The following WIPF3 variants were observed in gnomAD, a reference collection of about 807,000 sequenced individuals.
WIPF3 encodes the protein WAS/WASL interacting protein family member 3.
In WIPF3, 33 loss-of-function variants were observed where a neutral mutation model predicts 38.9. The ratio of observed to expected loss-of-function variants is 0.85; its 90% CI spans 0.64 to 1.14. WIPF3 has a LOEUF of 1.14. Ranked by LOEUF, WIPF3 falls within the 50% of genes most tolerant of loss-of-function variation. The pLI is 0.00. For synonymous variants in WIPF3, 324 were observed against 269.3 expected, an observed-to-expected ratio of 1.20 and a Z score of -1.99; for missense variants, 711 against 652.5, an observed-to-expected ratio of 1.09 and a Z score of -0.98.
Position 29,878,581 on chromosome 7 carries a change from T to TA in WIPF3, c.224-424dup, listed in dbSNP as rs1269172817. On this transcript the variant is annotated intron_variant, in intron 3 of 8. Coordinates refer to ENST00000242140, the MANE Select transcript of WIPF3 (RefSeq NM_001080529.3). The surrounding 1 kb of genome is among the most constrained non-coding windows in gnomAD (Gnocchi z 4.0). ...GGTCAGCGCTCTGTGGACAAGAAGT[T>TA]AAAATGACTGACTGAATTAAATCTG... Among the ~76,000 whole-genome samples, 2 of 152,288 alleles carry TA rather than the reference T, an allele frequency of 1.3e-5. No individual in the cohort carries two copies. The highest frequency in any genetic ancestry group is 4.8e-5 in the African/African-American group (2 of 41,562).
chr7:29,900,890 G>T (rs771918132), intron 7 of WIPF3, among the ~76,000 whole-genome samples: 1 of 152,218 alleles, frequency 6.6e-6, no homozygotes, highest in Non-Finnish European at 1.5e-5. Context: ...GCAGCCCATA[G>T]CTTAGTCAGA....
intron 1 of WIPF3, among the ~76,000 whole-genome samples, chr7:29,813,745 T>C (rs1227537944): frequency 6.6e-6 from 1 of 152,178 alleles, no homozygotes; most frequent in Non-Finnish European, 1.5e-5. Context: ...ATTTTCACAG[T>C]TGTGCAACCA....
chr7:29,895,246 T>C (rs1373525740), intron 7 of WIPF3, among the ~76,000 whole-genome samples: 2 of 152,180 alleles, frequency 1.3e-5, no homozygotes, highest in Non-Finnish European at 2.9e-5. Context: ...AGTTTTTTTT[T>C]CCTAATGTTT....
At chr7:29,825,619 C>A in intron 1 of WIPF3, among the ~76,000 whole-genome samples, 1 of 152,158 alleles carries the variant, frequency 6.6e-6, no homozygotes, top group East Asian at 1.9e-4. Context: ...CATTTAAATG[C>A]CTGAGTCAGT....
At position 29,875,811 on chromosome 7, in the gene WIPF3, C is replaced by G. The variant is rs768585092; in HGVS notation, c.91-19C>G. 3 of 1,607,620 alleles carry G rather than the reference C, an allele frequency of 1.9e-6. No individual in the cohort carries two copies. The South Asian group carries it at 3.3e-5, about 18-fold the overall frequency. On this transcript the variant is annotated intron_variant, in intron 2 of 8. Coordinates refer to ENST00000242140, the MANE Select transcript of WIPF3 (RefSeq NM_001080529.3). ...TCTGAAAATGCTACTATAGTCAAAT[C>G]CCTTTTACTCCCTTACAGGTAAGCA...
chr7:29,840,466 TTGAC>T (rs1403701749), intron 2 of WIPF3, among the ~76,000 whole-genome samples: 2 of 152,240 alleles, frequency 1.3e-5, no homozygotes, highest in African/African-American at 4.8e-5. Flanking sequence ...TTTTAAAAAT[TTGAC>T]TGGGGTCTAT....
At chr7:29,901,202 CA>C (rs1301492162) in intron 7 of WIPF3, among the ~76,000 whole-genome samples, 6 of 152,104 alleles carry the variant, frequency 3.9e-5, no homozygotes, top group Non-Finnish European at 8.8e-5. Context: ...GGTGAATCTG[CA>C]AAGCCCTTCT....
chr7:29,820,416 TTTG>T (rs961026403), intron 1 of WIPF3, among the ~76,000 whole-genome samples: 2 of 152,130 alleles, frequency 1.3e-5, no homozygotes, highest in African/African-American at 4.8e-5. Context: ...GGCAGATATG[TTTG>T]TTATTATTTT....
intron 2 of WIPF3, among the ~76,000 whole-genome samples, chr7:29,847,275 AC>A (rs1785015291): frequency 1.3e-5 from 2 of 152,212 alleles, no homozygotes; most frequent in South Asian, 4.1e-4. Context: ...GAGGTCAGAC[AC>A]TAGAAGCCAA....
At chr7:29,886,846 A>G (rs1785893231) in intron 5 of WIPF3, among the ~76,000 whole-genome samples, 1 of 152,218 alleles carries the variant, frequency 6.6e-6, no homozygotes. Flanking sequence ...AAATCTGCAT[A>G]AAGGGCTTGC....
rs181021723 is a variant in WIPF3 at position 29,858,500 on chromosome 7, C to T, written c.91-17330C>T. 5.2e-3 allele frequency among the ~76,000 whole-genome samples: 790 copies of T among 152,200 alleles called. 6 individuals are homozygous for T. The highest frequency in any genetic ancestry group is 0.018 in the African/African-American group (757 of 41,510). ...TTAGGAGGTGCAAGACAAAAACAGT[C>T]GAGAGAAGTGAACTAAAAATACACC... On this transcript the variant is annotated intron_variant, in intron 2 of 8. Transcript: ENST00000242140.
chr7:29,853,588 C>G (rs1785140448), intron 2 of WIPF3, among the ~76,000 whole-genome samples: 4 of 152,204 alleles, frequency 2.6e-5, no homozygotes, highest in Admixed American at 2.0e-4. Flanking sequence ...ACACAGGGGC[C>G]CTGCATGGCT....
intron 1 of WIPF3, among the ~76,000 whole-genome samples, chr7:29,829,178 A>ACCTCTCCTGGGGCATTT (rs1784676039): frequency 7.0e-6 from 1 of 143,040 alleles, no homozygotes; most frequent in East Asian, 2.0e-4. Flanking sequence ...AGCACTCTCT[A>ACCTCTCCTGGGGCATTT]CCTCTCCTGG....
intron 7 of WIPF3, among the ~76,000 whole-genome samples, chr7:29,894,307 G>A (rs10267125): frequency 0.036 from 5,549 of 152,152 alleles, 128 homozygotes; most frequent in Middle Eastern, 0.11. Flanking sequence ...TTGCCAGGAG[G>A]GTGCAATTGG....
At chr7:29,852,424 A>C (rs1219091393) in intron 2 of WIPF3, among the ~76,000 whole-genome samples, 1 of 152,276 alleles carries the variant, frequency 6.6e-6, no homozygotes, top group Non-Finnish European at 1.5e-5. Context: ...GAACAAAATG[A>C]GATTTCATAG....
At chr7:29,882,803 C>T (rs1044558213) in intron 4 of WIPF3, among the ~76,000 whole-genome samples, 4 of 152,134 alleles carry the variant, frequency 2.6e-5, no homozygotes, top group Non-Finnish European at 4.4e-5. Flanking sequence ...CACATGTTGT[C>T]ATGGTGATTA....
At chr7:29,814,930 A>G (rs1784433752) in intron 1 of WIPF3, among the ~76,000 whole-genome samples, 2 of 152,190 alleles carry the variant, frequency 1.3e-5, no homozygotes. Context: ...TTACCGCCCT[A>G]TTAGAGGAGG....
chr7:29,819,346 T>C (rs1784503799), intron 1 of WIPF3, among the ~76,000 whole-genome samples: 1 of 152,134 alleles, frequency 6.6e-6, no homozygotes, highest in Non-Finnish European at 1.5e-5. Flanking sequence ...ATGTCTTCTC[T>C]ATCTATCATT....
chr7:29,894,764 G>GACACACACAC (rs34105700), intron 7 of WIPF3, among the ~76,000 whole-genome samples: 64 of 148,108 alleles, frequency 4.3e-4, no homozygotes, highest in African/African-American at 1.4e-3. Context: ...CTCTCTTTCT[G>GACACACACAC]ACACACACAC....
Sources: allele counts gnomAD v4.1 joint callset (sites outside exome capture counted in the v4.1 genomes callset), GRCh38; gene constraint gnomAD v4.1.1; non-coding constraint Gnocchi (gnomAD v3.1); transcripts MANE v1.5; gene names NCBI Gene and HGNC (gene_info 2026-07-23, HGNC 2026-07-21).